Variants in SLC37A1 observed in about 807,000 individuals in gnomAD.
SLC37A1 encodes the protein glucose-6-phosphate exchanger SLC37A1.
A neutral mutation model predicts 75.3 loss-of-function variants in SLC37A1; 49 were observed. The ratio of observed to expected loss-of-function variants is 0.65; its 90% CI spans 0.52 to 0.83. The LOEUF (loss-of-function observed/expected upper bound fraction) is 0.83. SLC37A1 is among the 40% of genes least tolerant of loss of function. The probability of loss-of-function intolerance (pLI) is 0.00; values close to 1 mark genes in which losing one functional copy is unlikely to be tolerated. For synonymous variants in SLC37A1, 268 were observed against 292.1 expected (o/e 0.92, Z 0.84); for missense variants, 566 against 695.0 (o/e 0.81, Z 2.09).
chr21:42,516,474 A>G (rs1355954597), intron 1 of SLC37A1, among the ~76,000 whole-genome samples: 1 of 152,164 alleles, frequency 6.6e-6, no homozygotes. Context: ...CCCACTCAAA[A>G]TGAAGTGGTC....
intron 5 of SLC37A1, among the ~76,000 whole-genome samples, chr21:42,536,556 A>G (rs745640758): frequency 4.6e-5 from 7 of 152,170 alleles, no homozygotes; most frequent in Non-Finnish European, 7.3e-5. Flanking sequence ...AGTAATTTAT[A>G]ATGAAAAAAG....
At position 42,576,313 on chromosome 21, in the gene SLC37A1, C is replaced by G. The variant is rs563062517; in HGVS notation, c.1521+1398C>G. Among the ~76,000 whole-genome samples, 6 of 152,076 alleles carry G rather than the reference C, an allele frequency of 3.9e-5. No homozygotes were observed. In the South Asian group the frequency reaches 1.2e-3, roughly 32 times the overall value. On this transcript the variant is annotated intron_variant, in intron 18 of 19. Transcript: ENST00000352133. ...TAGCCAGATTAGGGGGAAGAAATCT[C>G]CCTTGAAAATTTTTAGCCATAGACC...
intron 2 of SLC37A1, among the ~76,000 whole-genome samples, chr21:42,505,322 C>T (rs2031507370): frequency 1.3e-5 from 2 of 152,226 alleles, no homozygotes; most frequent in Non-Finnish European, 2.9e-5. Flanking sequence ...CCAAACCCAA[C>T]TTTCTGTAGG....
intron 6 of SLC37A1, among the ~76,000 whole-genome samples, chr21:42,540,130 G>A (rs228069): frequency 0.57 from 86,996 of 152,096 alleles, 25,441 homozygotes; most frequent in Admixed American, 0.69. Flanking sequence ...CTAAATGCTG[G>A]GTGATCAATT....
upstream of SLC37A1, chr21:42,509,516 C>T (rs1281540457): frequency 6.6e-6 from 1 of 152,240 alleles, no homozygotes; most frequent in Non-Finnish European, 1.5e-5. The surrounding 1 kb of genome is among the most constrained non-coding windows in gnomAD (Gnocchi z 4.2). Flanking sequence ...CCTCACTGGG[C>T]TCCTGTAGGA....
At chr21:42,528,324 C>T (rs977958065) in intron 3 of SLC37A1, among the ~76,000 whole-genome samples, 3 of 152,206 alleles carry the variant, frequency 2.0e-5, no homozygotes, top group African/African-American at 4.8e-5. Flanking sequence ...TCAAGGCAAG[C>T]GTCTGCCCAA....
At chr21:42,554,477 G>A (rs901363294) in intron 10 of SLC37A1, among the ~76,000 whole-genome samples, 1 of 152,198 alleles carries the variant, frequency 6.6e-6, no homozygotes, top group Non-Finnish European at 1.5e-5. Context: ...GACAGGCTGA[G>A]CAGGCTCTAT....
At chr21:42,546,500 C>T (rs2055410190) in intron 8 of SLC37A1, among the ~76,000 whole-genome samples, 1 of 152,194 alleles carries the variant, frequency 6.6e-6, no homozygotes, top group Non-Finnish European at 1.5e-5. Context: ...GAATGAGAGT[C>T]GTGGGCTTGT....
At chr21:42,555,927 G>T (rs116553020) in intron 10 of SLC37A1, among the ~76,000 whole-genome samples, 2 of 152,222 alleles carry the variant, frequency 1.3e-5, no homozygotes, top group African/African-American at 4.8e-5. Context: ...CTTGGGTCAG[G>T]GTAGGCGGGG....
intron 2 of SLC37A1, among the ~76,000 whole-genome samples, chr21:42,520,866 A>G (rs13046480): frequency 0.69 from 105,687 of 152,104 alleles, 37,611 homozygotes; most frequent in Admixed American, 0.76. Context: ...ATAAGGAAGT[A>G]CTTACAAACA....
Position 42,570,015 on chromosome 21 carries a change from CG to C in SLC37A1, c.1423+1578del, listed in dbSNP as rs2056089072. Among the ~76,000 whole-genome samples, 58 of 149,320 alleles carry C rather than the reference CG, an allele frequency of 3.9e-4. 1 individual carries two copies. Among genetic ancestry groups the C allele is most frequent in the South Asian group, 2.1e-4 (1 of 4,740 alleles). ...TCTGAGAAGCGGCGGGCAGGGTGGC[CG>C]TTGCCATGTGACACACGGCCTGATT... is the stretch of plus-strand genomic sequence containing the variant. On this transcript the variant is annotated intron_variant, in intron 17 of 19. Transcript: ENST00000352133.
At chr21:42,563,900 T>G in intron 13 of SLC37A1, 23 bp downstream of exon 13, 1 of 1,613,910 alleles carries the variant, frequency 6.2e-7, no homozygotes, top group South Asian at 1.1e-5. Context: ...AGACTTGTTC[T>G]GCTGCAACAA....
In SLC37A1 at chr21:42,580,682, T is replaced by TG. The variant is rs112048582; in HGVS notation, c.*330dup. 0.071 allele frequency: 12,714 copies of TG among 179,674 alleles called. 1,483 individuals carry two copies. Among genetic ancestry groups the TG allele is most frequent in the African/African-American group, 0.31 (11,384 of 36,820 alleles). 11.1% of individuals were successfully genotyped at this position (179,674 alleles called of 1,614,324 possible). ...ACGCGTGACAACAAGGCCGGGAGGG[T>TG]GGGGGGGGTGCACAGGTAGCCCCGA... is the stretch of plus-strand genomic sequence containing the variant. On this transcript the variant is annotated 3_prime_UTR_variant, in exon 20 of 20. Transcript: ENST00000352133.
At chr21:42,531,683 G>A (rs1367928222) in intron 3 of SLC37A1, among the ~76,000 whole-genome samples, 5 of 152,198 alleles carry the variant, frequency 3.3e-5, no homozygotes, top group East Asian at 1.9e-4. Context: ...CTCACCTGGC[G>A]AGGGGTTTGC....
intron 1 of SLC37A1, among the ~76,000 whole-genome samples, chr21:42,515,133 A>G (rs978385593): frequency 1.2e-4 from 19 of 152,252 alleles, no homozygotes; most frequent in Admixed American, 3.9e-4. Context: ...GGTGGTGCAA[A>G]TGGAATTCAG....
At position 42,562,064 on chromosome 21, in the gene SLC37A1, G is replaced by T; in HGVS notation, c.982-14G>T. 1 of 1,611,270 alleles carries T rather than the reference G, an allele frequency of 6.2e-7. No homozygotes were observed. The highest frequency in any genetic ancestry group is 8.5e-7 in the Non-Finnish European group (1 of 1,177,396). ...CCACATTTGGAGGAGACGCCTGACTGCTCTCTCTTTCAGGGCGTGATAGAG... is the reference window on the plus strand; with the variant it reads ...CCACATTTGGAGGAGACGCCTGACTTCTCTCTCTTTCAGGGCGTGATAGAG... On this transcript the variant is annotated splice_polypyrimidine_tract_variant and intron_variant, in intron 11 of 19. Transcript: ENST00000352133.
chr21:42,526,908 C>G (rs771788591), intron 3 of SLC37A1, among the ~76,000 whole-genome samples: 7 of 152,214 alleles, frequency 4.6e-5, no homozygotes, highest in Non-Finnish European at 7.3e-5. Context: ...AAGAAACTCT[C>G]AAATCAGTAC....
intron 18 of SLC37A1, among the ~76,000 whole-genome samples, chr21:42,577,281 CTG>C (rs2056328716): frequency 1.3e-5 from 2 of 152,332 alleles, no homozygotes; most frequent in Admixed American, 1.3e-4. Flanking sequence ...GGCCAGCTAA[CTG>C]TGGCCTATTT....
At chr21:42,505,212 G>A (rs1387629487) in intron 2 of SLC37A1, among the ~76,000 whole-genome samples, 1 of 152,056 alleles carries the variant, frequency 6.6e-6, no homozygotes, top group Admixed American at 6.6e-5. Context: ...CGATTATTAG[G>A]CTCTGAATGA....
Sources: gnomAD v4.1 joint callset for allele counts (sites outside exome capture counted in the v4.1 genomes callset) on GRCh38, gnomAD v4.1.1 for gene constraint, Gnocchi (gnomAD v3.1) non-coding constraint, MANE v1.5 for transcripts, NCBI Gene and HGNC (gene_info 2026-07-23, HGNC 2026-07-21) for gene names.